Variants in LRRTM3 observed in about 807,000 individuals in gnomAD.
The protein encoded by LRRTM3 is leucine-rich repeat transmembrane neuronal protein 3.
In LRRTM3, 24 loss-of-function variants were observed where a neutral mutation model predicts 44.7. The observed-to-expected ratio is 0.54, with a 90% CI of 0.39 to 0.76. LRRTM3 has a LOEUF of 0.76. LRRTM3 is among the 30% of genes least tolerant of loss of function. LRRTM3 has a pLI of 0.00. For synonymous variants in LRRTM3, 277 were observed against 278.7 expected (o/e 0.99, Z 0.06); for missense variants, 587 against 702.2 (o/e 0.84, Z 1.85).
At chr10:66,987,565 A>G (rs1850802693) in intron 2 of LRRTM3, among the ~76,000 whole-genome samples, 1 of 152,166 alleles carries the variant, frequency 6.6e-6, no homozygotes, top group African/African-American at 2.4e-5. Context: ...TATTTACCTC[A>G]TTGCCATGAA....
chr10:66,945,134 G>A (rs989477610), intron 2 of LRRTM3, among the ~76,000 whole-genome samples: 6 of 152,118 alleles, frequency 3.9e-5, no homozygotes, highest in Non-Finnish European at 4.4e-5. Context: ...TTTGAGGCCA[G>A]GCATTGACTT....
At chr10:67,010,957 CTATAA>C (rs1443214904) in intron 2 of LRRTM3, among the ~76,000 whole-genome samples, 50 of 152,216 alleles carry the variant, frequency 3.3e-4, no homozygotes, top group African/African-American at 1.1e-3. Context: ...TCTTAGACAA[CTATAA>C]TATAATAGAG....
intron 2 of LRRTM3, among the ~76,000 whole-genome samples, chr10:67,041,151 A>G (rs1018680542): frequency 3.9e-5 from 6 of 152,112 alleles, no homozygotes; most frequent in Non-Finnish European, 7.4e-5. Context: ...AATTCAGCCA[A>G]AAATGGTTCC....
In LRRTM3 at chr10:67,099,104, G is replaced by A. The variant is rs1469606841; in HGVS notation, c.*1308G>A. ...AATTGTTTATATTGCTATCCATAAT[G>A]GGATTCACCTCCAAATTATCAAAGA... On this transcript the variant is annotated 3_prime_UTR_variant, in exon 3 of 3. Coordinates refer to ENST00000361320, the MANE Select transcript of LRRTM3 (RefSeq NM_178011.5). 6.6e-6 allele frequency: 1 copy of A among 151,640 alleles called. No individual in the cohort carries two copies. Among genetic ancestry groups the A allele is most frequent in the Non-Finnish European group, 1.5e-5 (1 of 67,828 alleles). The allele number at this position is 151,640 out of a possible 1,614,324, so 9.4% of individuals were successfully genotyped here.
chr10:67,039,160 T>C (rs1234600159), intron 2 of LRRTM3, among the ~76,000 whole-genome samples: 1 of 152,108 alleles, frequency 6.6e-6, no homozygotes, highest in Admixed American at 6.6e-5. Context: ...TAAGCTATAC[T>C]GTTACCATAC....
At chr10:67,095,168 T>C (rs2131924228) in intron 2 of LRRTM3, among the ~76,000 whole-genome samples, 1 of 151,786 alleles carries the variant, frequency 6.6e-6, no homozygotes, top group Middle Eastern at 3.4e-3. Context: ...TGATGCTGTA[T>C]TCAGATATGG....
chr10:66,961,537 A>T (rs770357423), intron 2 of LRRTM3, among the ~76,000 whole-genome samples: 55 of 151,834 alleles, frequency 3.6e-4, no homozygotes, highest in African/African-American at 1.3e-3. Flanking sequence ...CAACCTCTTA[A>T]TGTTGGGGTG....
chr10:67,036,095 C>T (rs1854034576), intron 2 of LRRTM3, among the ~76,000 whole-genome samples: 1 of 152,196 alleles, frequency 6.6e-6, no homozygotes, highest in Admixed American at 6.5e-5. Flanking sequence ...AGATATTAGA[C>T]CTTAGTAGAG....
chr10:67,011,356 A>G (rs1049959842), intron 2 of LRRTM3, among the ~76,000 whole-genome samples: 1 of 151,410 alleles, frequency 6.6e-6, no homozygotes, highest in African/African-American at 2.4e-5. Flanking sequence ...AAAAAAAAAA[A>G]GCTAGCCTGT....
intron 2 of LRRTM3, among the ~76,000 whole-genome samples, chr10:66,942,612 G>T (rs1460035957): frequency 6.6e-6 from 1 of 151,670 alleles, no homozygotes; most frequent in Non-Finnish European, 1.5e-5. Context: ...GTCTGCGTGT[G>T]TGTGCATGTG....
At chr10:66,942,917 C>G (rs907990191) in intron 2 of LRRTM3, among the ~76,000 whole-genome samples, 2 of 152,126 alleles carry the variant, frequency 1.3e-5, no homozygotes, top group African/African-American at 4.8e-5. Flanking sequence ...CAAAGAGTTA[C>G]AAAGGAAGAA....
At chr10:67,009,305 A>C (rs985906752) in intron 2 of LRRTM3, among the ~76,000 whole-genome samples, 2 of 151,340 alleles carry the variant, frequency 1.3e-5, no homozygotes, top group Non-Finnish European at 2.9e-5. Context: ...GTTTTTGTGC[A>C]TTTGAACTAA....
chr10:67,007,959 A>G (rs1293316527), intron 2 of LRRTM3, among the ~76,000 whole-genome samples: 2 of 152,028 alleles, frequency 1.3e-5, no homozygotes, highest in Non-Finnish European at 2.9e-5. Flanking sequence ...GACTCAAGCT[A>G]CCCACACTAT....
rs552734163 is a variant in LRRTM3, at chr10:66,944,258, A to T, written c.1536+15806A>T. The stretch of plus-strand genomic sequence containing the variant: ...TTATTATTTCAACAATATTCACAAC[A>T]TCTTCACCAGGAGAAGATTTTATCT... On this transcript the variant is annotated intron_variant, in intron 2 of 2. Coordinates refer to ENST00000361320, the MANE Select transcript of LRRTM3 (RefSeq NM_178011.5). Among the ~76,000 whole-genome samples the T allele has an allele frequency of 6.6e-4, 101 of 152,346 alleles. 1 individual carries two copies. Among genetic ancestry groups the T allele is most frequent in the Non-Finnish European group, 1.2e-3 (83 of 68,026 alleles).
intron 2 of LRRTM3, among the ~76,000 whole-genome samples, chr10:66,951,951 C>G (rs577552902): frequency 9.8e-4 from 149 of 152,304 alleles, no homozygotes; most frequent in African/African-American, 3.3e-3. Flanking sequence ...TGTCTCAGAA[C>G]TCTTTAGATA....
intron 2 of LRRTM3, among the ~76,000 whole-genome samples, chr10:66,943,908 A>G (rs1848150918): frequency 6.6e-6 from 1 of 152,230 alleles, no homozygotes; most frequent in South Asian, 2.1e-4. Context: ...ATTGCTAAAA[A>G]GTGCTCATGA....
rs12269662 is a variant in LRRTM3 at position 66,942,366 on chromosome 10, T to C, written c.1536+13914T>C. Among the ~76,000 whole-genome samples, 1,147 of 152,312 alleles carry C rather than the reference T, an allele frequency of 7.5e-3. 16 individuals are homozygous for C. The highest frequency in any genetic ancestry group is 0.026 in the African/African-American group (1,094 of 41,570). The stretch of plus-strand genomic sequence containing the variant: ...ATTTGCAAGCCCGTTATTAATATCC[T>C]TTAATGGACTTGCTCTATTAAGTAT... On this transcript the variant is annotated intron_variant, in intron 2 of 2. Coordinates refer to ENST00000361320, the MANE Select transcript of LRRTM3 (RefSeq NM_178011.5).
chr10:67,084,321 C>T (rs549072814), intron 2 of LRRTM3, among the ~76,000 whole-genome samples: 55 of 152,046 alleles, frequency 3.6e-4, no homozygotes, highest in Admixed American at 1.4e-3. Flanking sequence ...GAAGAAAATA[C>T]CAAAGATGCT....
chr10:67,073,710 C>CA (rs967348236), intron 2 of LRRTM3, among the ~76,000 whole-genome samples: 6 of 150,180 alleles, frequency 4.0e-5, no homozygotes, highest in South Asian at 2.1e-4. Flanking sequence ...AACAAAAGAT[C>CA]AAAAAAAATC....
Sources: allele counts gnomAD v4.1 joint callset (sites outside exome capture counted in the v4.1 genomes callset), GRCh38; gene constraint gnomAD v4.1.1; transcripts MANE v1.5; gene names NCBI Gene and HGNC (gene_info 2026-07-23, HGNC 2026-07-21).